Variants in ST8SIA6 observed in about 807,000 individuals in gnomAD.
ST8SIA6 encodes the protein alpha-2,8-sialyltransferase 8F.
In ST8SIA6, 39 loss-of-function variants were observed where a neutral mutation model predicts 33.6. The observed-to-expected ratio is 1.16, with a 90% CI of 0.90 to 1.52. The LOEUF (loss-of-function observed/expected upper bound fraction) is 1.52. ST8SIA6 is among the 40% of genes most tolerant of loss of function. The probability of loss-of-function intolerance (pLI) is 0.00; values close to 1 mark genes in which losing one functional copy is unlikely to be tolerated. For missense variants in ST8SIA6, 441 were observed against 443.8 expected (o/e 0.99, Z 0.06); for synonymous variants, 172 against 167.2 (o/e 1.03, Z -0.22).
intron 3 of ST8SIA6, among the ~76,000 whole-genome samples, chr10:17,387,785 C>G (rs1850436694): frequency 6.6e-6 from 1 of 152,178 alleles, no homozygotes; most frequent in Non-Finnish European, 1.5e-5. Flanking sequence ...AGAGAGATTG[C>G]AACTCCTTTT....
At chr10:17,448,335 A>C (rs1852790090) in intron 2 of ST8SIA6, among the ~76,000 whole-genome samples, 1 of 152,204 alleles carries the variant, frequency 6.6e-6, no homozygotes, top group Admixed American at 6.5e-5. Context: ...CATTCAAAGA[A>C]TAACAGCAGT....
chr10:17,411,396 T>C (rs1467135668), intron 2 of ST8SIA6, among the ~76,000 whole-genome samples: 1 of 152,170 alleles, frequency 6.6e-6, no homozygotes, highest in African/African-American at 2.4e-5. Context: ...TTGGCCAGGC[T>C]GGTCTCGAAC....
intron 2 of ST8SIA6, among the ~76,000 whole-genome samples, chr10:17,438,386 T>C (rs572029278): frequency 6.6e-6 from 1 of 152,226 alleles, no homozygotes; most frequent in African/African-American, 2.4e-5. Context: ...GGCATGCCAA[T>C]ATAGCTCCTA....
intron 4 of ST8SIA6, among the ~76,000 whole-genome samples, chr10:17,339,288 C>T (rs934037743): frequency 6.6e-6 from 1 of 152,150 alleles, no homozygotes; most frequent in African/African-American, 2.4e-5. Flanking sequence ...CCGAGGCTAA[C>T]GACCTAAAGG....
intron 3 of ST8SIA6, among the ~76,000 whole-genome samples, chr10:17,362,492 T>A (rs1394017312): frequency 6.6e-6 from 1 of 152,222 alleles, no homozygotes; most frequent in East Asian, 1.9e-4. Context: ...TATACTTTTT[T>A]AAAGAGTTCC....
chr10:17,412,954 T>C (rs937582094), intron 2 of ST8SIA6, among the ~76,000 whole-genome samples: 1 of 152,200 alleles, frequency 6.6e-6, no homozygotes, highest in Non-Finnish European at 1.5e-5. Flanking sequence ...TCCAAAACTA[T>C]GTACATTATT....
At chr10:17,427,557 G>A (rs1218126893) in intron 2 of ST8SIA6, among the ~76,000 whole-genome samples, 1 of 152,236 alleles carries the variant, frequency 6.6e-6, no homozygotes, top group African/African-American at 2.4e-5. Flanking sequence ...CAGCAGCTTT[G>A]TCTTTGCTGC....
chr10:17,356,256 A>G (rs566124298), intron 4 of ST8SIA6, among the ~76,000 whole-genome samples: 1 of 152,292 alleles, frequency 6.6e-6, no homozygotes, highest in Non-Finnish European at 1.5e-5. Context: ...GCTCTAAACT[A>G]TACAGTGCAT....
chr10:17,396,523 G>A (rs1256557997), intron 2 of ST8SIA6, among the ~76,000 whole-genome samples: 1 of 152,112 alleles, frequency 6.6e-6, no homozygotes, highest in East Asian at 1.9e-4. Context: ...AGCTGGGTGA[G>A]CATTGGCCTG....
At position 17,369,452 on chromosome 10, in the gene ST8SIA6, A is replaced by G. The variant is rs118142969; in HGVS notation, c.291-9852T>C. ...AGATATTATGCTTTGTATTATTTCT[A>G]TTCTTTTAAATGTACTGCATTTAAA... On this transcript the variant is annotated intron_variant, in intron 3 of 7. Transcript: ENST00000377602. Among the ~76,000 whole-genome samples, 1,378 of 152,278 alleles carry G rather than the reference A, an allele frequency of 9.0e-3. 6 individuals are homozygous for G. Among genetic ancestry groups the G allele is most frequent in the Non-Finnish European group, 0.014 (951 of 68,008 alleles).
At chr10:17,349,102 T>A (rs1259480150) in intron 4 of ST8SIA6, among the ~76,000 whole-genome samples, 1 of 152,174 alleles carries the variant, frequency 6.6e-6, no homozygotes, top group African/African-American at 2.4e-5. Flanking sequence ...AGAAAGACGA[T>A]AACCTAGAAA....
At chr10:17,335,126 CTT>C (rs1482474559) in intron 4 of ST8SIA6, among the ~76,000 whole-genome samples, 1 of 152,144 alleles carries the variant, frequency 6.6e-6, no homozygotes, top group Non-Finnish European at 1.5e-5. Context: ...AGAATTTTCT[CTT>C]CTCTCAGGTT....
intron 3 of ST8SIA6, among the ~76,000 whole-genome samples, chr10:17,366,647 G>A (rs1475472): frequency 0.17 from 26,509 of 151,966 alleles, 2,408 homozygotes; most frequent in South Asian, 0.21. Context: ...CACTAGGGCC[G>A]TCAACAGGGT....
At chr10:17,361,519 CA>C (rs1849389171) in intron 3 of ST8SIA6, among the ~76,000 whole-genome samples, 1 of 24,110 alleles carries the variant, frequency 4.1e-5, no homozygotes, top group African/African-American at 5.8e-4. Flanking sequence ...TCCTACAAAA[CA>C]CACACACACA....
rs760256547 is a variant in ST8SIA6, at chr10:17,453,669, G to C, written c.102-12C>G. On this transcript the variant is annotated splice_polypyrimidine_tract_variant and intron_variant, in intron 1 of 7. Coordinates refer to ENST00000377602, the MANE Select transcript of ST8SIA6 (RefSeq NM_001004470.3). Reference sequence around the variant, plus strand: ...CCTCCACCAGAATCCTGCACAGCCGGGGAGAAAACTTAAGTTGCTACACCC... The same window carrying C: ...CCTCCACCAGAATCCTGCACAGCCGCGGAGAAAACTTAAGTTGCTACACCC... The C allele has an allele frequency of 9.2e-6, 12 of 1,303,898 alleles. No individual in the cohort carries two copies. Among genetic ancestry groups the C allele is most frequent in the Non-Finnish European group, 1.1e-5 (11 of 1,017,514 alleles). The allele number at this position is 1,303,898 out of a possible 1,614,324, so 80.8% of individuals were successfully genotyped here. A position where few individuals can be genotyped will look rare whatever the true frequency, so the allele number is the denominator to read the frequency against.
intron 2 of ST8SIA6, among the ~76,000 whole-genome samples, chr10:17,423,840 C>A (rs1476459841): frequency 6.6e-6 from 1 of 152,204 alleles, no homozygotes; most frequent in Non-Finnish European, 1.5e-5. Flanking sequence ...CAGAACCACA[C>A]AATATATATC....
chr10:17,387,500 C>T (rs1470446890), intron 3 of ST8SIA6, among the ~76,000 whole-genome samples: 4 of 150,938 alleles, frequency 2.7e-5, no homozygotes, highest in African/African-American at 9.8e-5. Flanking sequence ...CTCCCCACCT[C>T]GGGTGATCTG....
intron 3 of ST8SIA6, among the ~76,000 whole-genome samples, chr10:17,381,604 T>C (rs1325454432): frequency 6.6e-6 from 1 of 152,240 alleles, no homozygotes; most frequent in Non-Finnish European, 1.5e-5. Flanking sequence ...ATATTATAAG[T>C]GTCTTAAGAA....
chr10:17,353,719 A>G (rs1357095346), intron 4 of ST8SIA6, among the ~76,000 whole-genome samples: 6 of 152,232 alleles, frequency 3.9e-5, no homozygotes, highest in Non-Finnish European at 7.4e-5. Flanking sequence ...GTCATTTGAA[A>G]GGTATCTCAT....
Sources: allele counts gnomAD v4.1 joint callset (sites outside exome capture counted in the v4.1 genomes callset), GRCh38; gene constraint gnomAD v4.1.1; transcripts MANE v1.5; gene names NCBI Gene and HGNC (gene_info 2026-07-23, HGNC 2026-07-21).